Variants in ELF2 observed in about 807,000 individuals in gnomAD.
ELF2 encodes E74 like ETS transcription factor 2.
A neutral mutation model predicts 54.8 loss-of-function variants in ELF2; 11 were observed. The observed-to-expected ratio is 0.20, with a 90% CI of 0.13 to 0.33. The LOEUF is 0.33. Among genes scored for constraint, ELF2 ranks in the 10% least tolerant of loss-of-function variants. The pLI is 1.00. For synonymous variants in ELF2, 203 were observed against 245.1 expected (o/e 0.83, Z 1.61); for missense variants, 513 against 703.0 (o/e 0.73, Z 3.06).
intron 3 of ELF2, 52 bp downstream of exon 3, chr4:139,137,578 A>C (rs1738312845): frequency 1.9e-6 from 3 of 1,561,472 alleles, no homozygotes; most frequent in Non-Finnish European, 2.6e-6. Context: ...AAATTAGTTC[A>C]TGCACAAATT....
rs1173379262 is a variant in ELF2 at position 139,089,315 on chromosome 4, A to G, written c.239-15748T>C. ...CTCACACATTTTTAGGGGGATTTAA[A>G]CCACACAGGAATTGCTAAAAATAAT... On this transcript the variant is annotated intron_variant, in intron 4 of 9. Coordinates refer to ENST00000686138, the MANE Select transcript of ELF2 (RefSeq NM_001331036.3). Among the ~76,000 whole-genome samples, 4 of 152,198 alleles carry G rather than the reference A, an allele frequency of 2.6e-5. No individual in the cohort carries two copies. The East Asian group carries it at 7.7e-4, about 29-fold the overall frequency.
At chr4:139,090,362 TTGAG>T (rs758261814) in intron 4 of ELF2, among the ~76,000 whole-genome samples, 21 of 152,318 alleles carry the variant, frequency 1.4e-4, no homozygotes, top group Middle Eastern at 6.8e-3. Context: ...CTGCCATGTG[TTGAG>T]TAACAAAAAA....
intron 1 of ELF2, among the ~76,000 whole-genome samples, chr4:139,153,226 A>T (rs1740194015): frequency 6.6e-6 from 1 of 152,118 alleles, no homozygotes; most frequent in African/African-American, 2.4e-5. Context: ...CTTGACCCCA[A>T]GAATTCAAGG....
intron 3 of ELF2, among the ~76,000 whole-genome samples, chr4:139,135,237 A>ATATGTGTGTG (rs1350223045): frequency 8.9e-6 from 1 of 112,398 alleles, no homozygotes; most frequent in African/African-American, 3.0e-5. Flanking sequence ...TACTATATAT[A>ATATGTGTGTG]TGTGTGTGTG....
intron 4 of ELF2, among the ~76,000 whole-genome samples, chr4:139,085,221 A>T (rs888489723): frequency 2.0e-5 from 3 of 152,224 alleles, no homozygotes; most frequent in African/African-American, 7.2e-5. Flanking sequence ...TCAAACCAAT[A>T]TAATGACGAA....
At chr4:139,094,282 A>T (rs533134607) in intron 4 of ELF2, among the ~76,000 whole-genome samples, 1 of 152,332 alleles carries the variant, frequency 6.6e-6, no homozygotes, top group Non-Finnish European at 1.5e-5. Context: ...AGGCCCTCCT[A>T]GACCAGTTAG....
Position 139,057,767 on chromosome 4 carries a change from GGAGAA to G in ELF2, c.*1211_*1215del, listed in dbSNP as rs1410016203. 6.6e-6 allele frequency: 1 copy of G among 152,384 alleles called. No homozygotes were observed. Among genetic ancestry groups the G allele is most frequent in the Non-Finnish European group, 1.5e-5 (1 of 68,014 alleles). The allele number at this position is 152,384 out of a possible 1,614,324, so 9.4% of individuals were successfully genotyped here. On this transcript the variant is annotated 3_prime_UTR_variant, in exon 10 of 10. Transcript: ENST00000686138. ...AATTTCTTCATGCAGTAGTTGGGAA[GGAGAA>G]GAGAGATGTTTTATCACTTCCTAAC...
Position 139,060,498 on chromosome 4 carries a change from T to C in ELF2, c.983A>G (p.Glu328Gly). 6.2e-7 allele frequency: 1 copy of C among 1,614,244 alleles called. No homozygotes were observed. Among genetic ancestry groups the C allele is most frequent in the Non-Finnish European group, 8.5e-7 (1 of 1,180,050 alleles). ...KSLERVSLSAESLLKAASSVR... is the reference protein window; with the variant it reads ...KSLERVSLSAGSLLKAASSVR... ...AGAGGATGCTGCTTTCAGGAGACTTTCTGCAGACAGTGACACTCGTTCTAA... is the reference window on the plus strand; with the variant it reads ...AGAGGATGCTGCTTTCAGGAGACTTCCTGCAGACAGTGACACTCGTTCTAA... Residue 328 changes from glutamate (E) to glycine (G), a missense_variant, in exon 9 of 10, where the codon GAA (glutamate) becomes GGA (glycine). By Grantham distance (98) the Glu-to-Gly change is moderately conservative. Around this residue, in one of 3 missense-constraint regions of ELF2, gnomAD observed 291 missense variants for 366.1 expected, o/e 0.79. Transcript: ENST00000686138.
In ELF2 at chr4:139,081,994, A is replaced by G. The variant is rs188914317; in HGVS notation, c.239-8427T>C. On this transcript the variant is annotated intron_variant, in intron 4 of 9. Coordinates refer to ENST00000686138, the MANE Select transcript of ELF2 (RefSeq NM_001331036.3). The stretch of plus-strand genomic sequence containing the variant: ...AAAACAGCACTTTTTAAAACCCCTT[A>G]TCAAAAGACAAAACTTTTGTCTTTT... Among the ~76,000 whole-genome samples, 390 of 152,324 alleles carry G rather than the reference A, an allele frequency of 2.6e-3. 2 individuals are homozygous for G. The highest frequency in any genetic ancestry group is 9.0e-3 in the African/African-American group (374 of 41,578).
At chr4:139,160,579 A>G (rs1464372479) in intron 1 of ELF2, among the ~76,000 whole-genome samples, 2 of 152,190 alleles carry the variant, frequency 1.3e-5, no homozygotes, top group African/African-American at 2.4e-5. Context: ...CAATAAAACC[A>G]TAATTATCAG....
chr4:139,060,084 A>G (rs372415522), intron 9 of ELF2, among the ~76,000 whole-genome samples: 3 of 152,118 alleles, frequency 2.0e-5, no homozygotes, highest in African/African-American at 7.2e-5. Flanking sequence ...TCCTGTCCTC[A>G]AGCAATCCTC....
chr4:139,060,764 T>G (rs3796637), intron 8 of ELF2, 90 bp from the exon 9 acceptor site: 189,853 of 1,027,852 alleles, frequency 0.18, 19,180 homozygotes, highest in Middle Eastern at 0.25. Context: ...CAGTGGATAC[T>G]AACAGAAACA....
intron 4 of ELF2, among the ~76,000 whole-genome samples, chr4:139,079,072 C>T (rs867104789): frequency 2.0e-4 from 30 of 151,848 alleles, no homozygotes; most frequent in South Asian, 4.2e-4. Flanking sequence ...ACCACAGGCA[C>T]GCATCAGCAC....
chr4:139,147,779 T>G (rs988749035), intron 1 of ELF2, among the ~76,000 whole-genome samples: 1 of 122,242 alleles, frequency 8.2e-6, no homozygotes, highest in African/African-American at 3.2e-5. Flanking sequence ...CAGCCAGAGA[T>G]TTTTTTTTTT....
chr4:139,058,750 T>C lies in ELF2; in HGVS notation c.*233A>G, dbSNP rs181573843. ...CCCTTTCGATCCTTTTTCTTATTGA[T>C]GGGTTCAGTTGTTTCCTACTGTAAG... On this transcript the variant is annotated 3_prime_UTR_variant, in exon 10 of 10. Transcript: ENST00000686138. The C allele has an allele frequency of 1.1e-4, 54 of 486,262 alleles. No individual in the cohort carries two copies. The East Asian group carries it at 1.2e-3, about 11-fold the overall frequency. 30.1% of individuals were successfully genotyped at this position (486,262 alleles called of 1,614,324 possible).
intron 4 of ELF2, among the ~76,000 whole-genome samples, chr4:139,121,367 G>A (rs531149142): frequency 6.6e-6 from 1 of 151,730 alleles, no homozygotes; most frequent in African/African-American, 2.4e-5. Context: ...CTTGGCCTCC[G>A]AAAGTGCTGG....
At chr4:139,171,145 T>C (rs1436506649) in intron 1 of ELF2, among the ~76,000 whole-genome samples, 1 of 152,170 alleles carries the variant, frequency 6.6e-6, no homozygotes, top group Non-Finnish European at 1.5e-5. Flanking sequence ...CCCAGCACTT[T>C]GGCAGGCCAA....
At chr4:139,073,125 C>CAACT (rs138045760) in intron 5 of ELF2, among the ~76,000 whole-genome samples, 6,230 of 152,230 alleles carry the variant, frequency 0.041, 188 homozygotes, top group Non-Finnish European at 0.068. Context: ...TCCTAACAGG[C>CAACT]AACTGCTCCC....
intron 5 of ELF2, 40 bp from the exon 6 acceptor site, chr4:139,072,079 A>ATCAATGTTTCTTATGTGGACAGT (rs777964168): frequency 6.3e-7 from 1 of 1,590,862 alleles, no homozygotes; most frequent in Admixed American, 1.8e-5. Context: ...TCCCACCCCC[A>ATCAATGTTTCTTATGTGGACAGT]TCAATGTTTC....
Sources: allele counts gnomAD v4.1 joint callset (sites outside exome capture counted in the v4.1 genomes callset), GRCh38; gene constraint gnomAD v4.1.1; regional missense constraint gnomAD v4.1.1; transcripts MANE v1.5; gene names NCBI Gene and HGNC (gene_info 2026-07-23, HGNC 2026-07-21).